The following FHIT variants were observed in gnomAD, a reference collection of about 807,000 sequenced individuals.
The protein encoded by FHIT is fragile histidine triad diadenosine triphosphatase.
A neutral mutation model predicts 17.9 loss-of-function variants in FHIT; 19 were observed. That is an observed-to-expected ratio of 1.06 (90% CI 0.74 to 1.56). FHIT has a LOEUF of 1.56. FHIT is among the 40% of genes most tolerant of loss of function. The probability of loss-of-function intolerance (pLI) is 0.00; values close to 1 mark genes in which losing one functional copy is unlikely to be tolerated. For synonymous variants in FHIT, 81 were observed against 69.7 expected (o/e 1.16, Z -0.81); for missense variants, 248 against 189.2 (o/e 1.31, Z -1.82).
intron 8 of FHIT, among the ~76,000 whole-genome samples, chr3:59,873,538 G>T (rs1703015765): frequency 6.6e-6 from 1 of 152,088 alleles, no homozygotes; most frequent in African/African-American, 2.4e-5. Context: ...TCTAGCCAAG[G>T]GTTTCTGACC....
intron 5 of FHIT, among the ~76,000 whole-genome samples, chr3:60,148,922 CCTGTTGTGCTTATTAG>C (rs1249740918): frequency 3.3e-5 from 5 of 152,128 alleles, no homozygotes; most frequent in Admixed American, 6.5e-5. Context: ...TCCTTTCTTC[CCTGTTGTGCTTATTAG>C]CTGCTGCTCT....
At chr3:60,573,690 G>T (rs1448478747) in intron 4 of FHIT, among the ~76,000 whole-genome samples, 1 of 152,186 alleles carries the variant, frequency 6.6e-6, no homozygotes, top group Non-Finnish European at 1.5e-5. Flanking sequence ...AAGGCTGGGT[G>T]AGAGTGATGA....
At chr3:60,806,983 T>C (rs1447136256) in intron 4 of FHIT, among the ~76,000 whole-genome samples, 2 of 152,196 alleles carry the variant, frequency 1.3e-5, no homozygotes, top group Non-Finnish European at 2.9e-5. Flanking sequence ...CCACCATGAC[T>C]TACCAATTTG....
intron 8 of FHIT, among the ~76,000 whole-genome samples, chr3:59,769,231 A>G (rs1338874552): frequency 6.6e-6 from 1 of 152,324 alleles, no homozygotes; most frequent in Admixed American, 6.5e-5. Context: ...TTGAGGCGGA[A>G]ACTTGAGAGG....
intron 5 of FHIT, among the ~76,000 whole-genome samples, chr3:60,413,441 C>G (rs964805998): frequency 2.6e-5 from 4 of 152,134 alleles, no homozygotes; most frequent in African/African-American, 9.7e-5. Flanking sequence ...ATAGGAGTTA[C>G]TTGGCCAATA....
chr3:60,003,669 C>T (rs1209956859), intron 7 of FHIT, among the ~76,000 whole-genome samples: 3 of 151,234 alleles, frequency 2.0e-5, no homozygotes, highest in East Asian at 2.0e-4. Context: ...TATTTGAACC[C>T]GGGAGGCAGA....
At chr3:60,537,080 G>T (rs2036011203) in intron 4 of FHIT, 101 bp from the exon 5 acceptor site, 2 of 914,900 alleles carry the variant, frequency 2.2e-6, no homozygotes, top group Non-Finnish European at 3.1e-6. Context: ...ATTCTTAGTT[G>T]CAGAGAGGAT....
chr3:61,042,164 C>G (rs1259744952), intron 2 of FHIT, 65 bp from the exon 3 acceptor site: 5 of 152,176 alleles, frequency 3.3e-5, no homozygotes. Flanking sequence ...AACTCTTTTG[C>G]AGAAGCACTG....
intron 2 of FHIT, among the ~76,000 whole-genome samples, chr3:61,163,592 T>C (rs1346728260): frequency 6.6e-6 from 1 of 152,182 alleles, no homozygotes; most frequent in Non-Finnish European, 1.5e-5. Context: ...AAGTGGGTCA[T>C]AGGCCTTATT....
At chr3:60,460,327 C>T (rs920630117) in intron 5 of FHIT, among the ~76,000 whole-genome samples, 3 of 151,986 alleles carry the variant, frequency 2.0e-5, no homozygotes, top group African/African-American at 7.2e-5. Flanking sequence ...AGAAGTTCCA[C>T]GGCTTTGGAC....
intron 5 of FHIT, among the ~76,000 whole-genome samples, chr3:60,160,264 G>C (rs564502951): frequency 6.6e-6 from 1 of 152,072 alleles, no homozygotes. Flanking sequence ...TAGAGATTCC[G>C]AAGTGATGAT....
intron 3 of FHIT, among the ~76,000 whole-genome samples, chr3:61,023,775 T>C (rs920120560): frequency 1.5e-4 from 23 of 151,956 alleles, no homozygotes; most frequent in African/African-American, 5.3e-4. Flanking sequence ...ATAAATGGTG[T>C]TGGGAAAACT....
At chr3:60,351,129 C>G (rs1406341161) in intron 5 of FHIT, among the ~76,000 whole-genome samples, 1 of 152,124 alleles carries the variant, frequency 6.6e-6, no homozygotes, top group African/African-American at 2.4e-5. Flanking sequence ...CTCACATGAA[C>G]TATGAGATAA....
chr3:60,738,845 C>T lies in FHIT; in HGVS notation c.-18+83074G>A, dbSNP rs1172834446. Among the ~76,000 whole-genome samples, 17 of 152,198 alleles carry T rather than the reference C, an allele frequency of 1.1e-4. No homozygotes were observed. The East Asian group carries it at 1.7e-3, about 16-fold the overall frequency. On this transcript the variant is annotated intron_variant, in intron 4 of 9. Transcript: ENST00000492590. ...CCCCAACCTCAAGCCTGGAGACCTG[C>T]GGCCCCTAAGTGGGGCATTTCTGTT...
At chr3:60,845,340 A>C (rs1374918) in intron 3 of FHIT, among the ~76,000 whole-genome samples, 146,250 of 151,834 alleles carry the variant, frequency 0.96, 70,673 homozygotes, top group South Asian at 1. Context: ...AACAAACAAA[A>C]AAAAAAACCA....
chr3:60,274,271 T>C (rs201306095), intron 5 of FHIT, among the ~76,000 whole-genome samples: 2 of 152,292 alleles, frequency 1.3e-5, no homozygotes, highest in East Asian at 3.9e-4. Context: ...CACTAGATTA[T>C]AAACTCCTTG....
chr3:60,176,070 T>C (rs1210830473), intron 5 of FHIT, among the ~76,000 whole-genome samples: 9 of 152,150 alleles, frequency 5.9e-5, no homozygotes, highest in Admixed American at 5.9e-4. Context: ...TAGCCACATG[T>C]GGCCAGGTGT....
At chr3:60,071,948 T>C (rs1019693677) in intron 5 of FHIT, among the ~76,000 whole-genome samples, 4 of 152,200 alleles carry the variant, frequency 2.6e-5, no homozygotes, top group Non-Finnish European at 5.9e-5. Flanking sequence ...GCTTCTCTTT[T>C]GCCTTCCACC....
At chr3:60,083,004 T>A (rs2142300) in intron 5 of FHIT, among the ~76,000 whole-genome samples, 1 of 151,922 alleles carries the variant, frequency 6.6e-6, no homozygotes, top group Admixed American at 6.6e-5. Flanking sequence ...TTATGTTACA[T>A]TGCTTTTGAA....
Sources: gnomAD v4.1 joint callset for allele counts (sites outside exome capture counted in the v4.1 genomes callset) on GRCh38, gnomAD v4.1.1 for gene constraint, MANE v1.5 for transcripts, NCBI Gene and HGNC (gene_info 2026-07-23, HGNC 2026-07-21) for gene names.